The following OR51B5 variants were observed in gnomAD, a reference collection of about 807,000 sequenced individuals.
OR51B5 encodes the protein olfactory receptor family 51 subfamily B member 5.
For missense variants in OR51B5, 456 were observed against 374.6 expected (o/e 1.22, Z -1.79); for synonymous variants, 186 against 144.8 (o/e 1.28, Z -2.04).
intron 1 of OR51B5, chr11:5,453,468 G>T (rs750561734): frequency 1.3e-6 from 2 of 1,493,068 alleles, no homozygotes; most frequent in Non-Finnish European, 8.9e-7. Flanking sequence ...ACTCTGAAAA[G>T]TACCCTAAGT....
intron 1 of OR51B5, among the ~76,000 whole-genome samples, chr11:5,397,006 G>A (rs1201726764): frequency 6.6e-6 from 1 of 152,186 alleles, no homozygotes; most frequent in Non-Finnish European, 1.5e-5. Context: ...GCCAAATGTA[G>A]GAAGCTGAAA....
At chr11:5,421,420 A>T (rs1278177410) in intron 1 of OR51B5, among the ~76,000 whole-genome samples, 2 of 152,276 alleles carry the variant, frequency 1.3e-5, no homozygotes, top group Admixed American at 1.3e-4. Flanking sequence ...TTGTTAGAAC[A>T]TAAGAATTAA....
chr11:5,422,568 ACTG>A, intron 1 of OR51B5: 1 of 1,613,960 alleles, frequency 6.2e-7, no homozygotes, highest in Non-Finnish European at 8.5e-7. Context: ...ATGTCCGTTG[ACTG>A]CTATGTGGCC....
At chr11:5,425,857 G>A (rs748023861) in intron 1 of OR51B5, among the ~76,000 whole-genome samples, 1 of 152,104 alleles carries the variant, frequency 6.6e-6, no homozygotes, top group Non-Finnish European at 1.5e-5. Flanking sequence ...AGCTAGCCTA[G>A]CCTGCTACTA....
intron 1 of OR51B5, among the ~76,000 whole-genome samples, chr11:5,388,631 G>C (rs1471440131): frequency 4.0e-5 from 6 of 150,288 alleles, no homozygotes; most frequent in African/African-American, 1.5e-4. Flanking sequence ...TAAGAAAATA[G>C]GATATACACG....
chr11:5,488,973 G>A (rs1296205668), intron 1 of OR51B5: 32 of 1,613,906 alleles, frequency 2.0e-5, no homozygotes, highest in Non-Finnish European at 2.6e-5. Flanking sequence ...CCATTTTGTG[G>A]CTCCATGCTG....
At chr11:5,361,002 CG>C (rs1254981773) in intron 1 of OR51B5, among the ~76,000 whole-genome samples, 3 of 140,194 alleles carry the variant, frequency 2.1e-5, no homozygotes, top group African/African-American at 8.0e-5. Context: ...GGGTGGGGGT[CG>C]GGGGGAGGGA....
intron 1 of OR51B5, among the ~76,000 whole-genome samples, chr11:5,470,941 C>T (rs1851219514): frequency 1.3e-5 from 2 of 152,168 alleles, no homozygotes; most frequent in South Asian, 4.1e-4. Flanking sequence ...TGATGTTACT[C>T]TTTTACTAGA....
At chr11:5,442,177 A>C (rs868113791) in intron 1 of OR51B5, among the ~76,000 whole-genome samples, 2 of 152,102 alleles carry the variant, frequency 1.3e-5, no homozygotes, top group African/African-American at 4.8e-5. Flanking sequence ...TCTCCTCTTT[A>C]TCTCTCTTTC....
In OR51B5 at chr11:5,468,410, G is replaced by A. The variant is rs150858004; in HGVS notation, n.84+37159C>T. On this transcript the variant is annotated intron_variant and non_coding_transcript_variant, in intron 1 of 4. Coordinates refer to the OR51B5 transcript ENST00000415970. ...GTCTGGAGGGAGATTGAAAGGCTCC[G>A]AAGGACTAACCTGGTACACCCAAAC... is the stretch of plus-strand genomic sequence containing the variant. 3.6e-3 allele frequency: 1,069 copies of A among 294,154 alleles called. 10 individuals carry two copies. Among genetic ancestry groups the A allele is most frequent in the African/African-American group, 0.022 (993 of 44,848 alleles). 18.2% of individuals were successfully genotyped at this position (294,154 alleles called of 1,614,324 possible). A position where few individuals can be genotyped will look rare whatever the true frequency, so the allele number is the denominator to read the frequency against.
At chr11:5,348,096 G>C (rs1436884407), upstream of OR51B5, among the ~76,000 whole-genome samples, 1 of 151,856 alleles carries the variant, frequency 6.6e-6, no homozygotes, top group Non-Finnish European at 1.5e-5. Flanking sequence ...CAAGAGAAAA[G>C]TAATAGTGTT....
intron 1 of OR51B5, among the ~76,000 whole-genome samples, chr11:5,467,564 T>C (rs1428889768): frequency 6.6e-6 from 1 of 152,240 alleles, no homozygotes; most frequent in Non-Finnish European, 1.5e-5. Context: ...TATCATTCTT[T>C]TTAAATCTGT....
rs1034240120 is a variant in OR51B5 at position 5,370,454 on chromosome 11, T to C, written n.85-23544A>G. Among the ~76,000 whole-genome samples the C allele has an allele frequency of 3.9e-5, 6 of 152,322 alleles. No individual in the cohort carries two copies. In the South Asian group the frequency reaches 8.3e-4, roughly 21 times the overall value. On this transcript the variant is annotated intron_variant and non_coding_transcript_variant, in intron 1 of 4. Transcript: ENST00000415970. ...ATCTTCAGAGGATCATTTGTTGGTA[T>C]GTCTCTGTCCAATTTGAGGGCAATA...
intron 1 of OR51B5, among the ~76,000 whole-genome samples, chr11:5,358,010 A>G (rs1564919722): frequency 6.6e-6 from 1 of 152,112 alleles, no homozygotes; most frequent in Non-Finnish European, 1.5e-5. Flanking sequence ...AGGGAAATTT[A>G]TAGCACTAAA....
At chr11:5,388,416 A>C (rs892370285) in intron 1 of OR51B5, among the ~76,000 whole-genome samples, 1 of 151,662 alleles carries the variant, frequency 6.6e-6, no homozygotes, top group Non-Finnish European at 1.5e-5. Context: ...GGCCTTCTGA[A>C]GGACATCATA....
At position 5,423,269 on chromosome 11, in the gene OR51B5, C is replaced by A. The variant is rs920935510; in HGVS notation, n.85-76359G>T. On this transcript the variant is annotated intron_variant and non_coding_transcript_variant, in intron 1 of 4. Coordinates refer to the OR51B5 transcript ENST00000415970. ...TCATCATAATATTAAGGCAGTATGA[C>A]AAGTCCCTGGCTTTTAGCATGGAAT... 6.0e-6 allele frequency: 8 copies of A among 1,343,384 alleles called. No homozygotes were observed. In the African/African-American group the frequency reaches 1.0e-4, roughly 17 times the overall value. 83.2% of individuals were successfully genotyped at this position (1,343,384 alleles called of 1,614,324 possible).
At chr11:5,474,286 A>T (rs1331845969) in intron 1 of OR51B5, among the ~76,000 whole-genome samples, 1 of 152,140 alleles carries the variant, frequency 6.6e-6, no homozygotes, top group South Asian at 2.1e-4. Flanking sequence ...TTTCATTTCA[A>T]TCCAGGATTA....
intron 1 of OR51B5, among the ~76,000 whole-genome samples, chr11:5,414,691 C>T (rs1398026487): frequency 6.6e-6 from 1 of 152,144 alleles, no homozygotes; most frequent in African/African-American, 2.4e-5. Context: ...AAGGCCAATA[C>T]ATAATGGTAA....
At chr11:5,497,792 C>T (rs1851670776) in intron 1 of OR51B5, among the ~76,000 whole-genome samples, 1 of 152,164 alleles carries the variant, frequency 6.6e-6, no homozygotes, top group African/African-American at 2.4e-5. Flanking sequence ...CTTTTGCCAG[C>T]TACCCATGGA....
Sources: allele counts gnomAD v4.1 joint callset (sites outside exome capture counted in the v4.1 genomes callset), GRCh38; gene constraint gnomAD v4.1.1; transcripts MANE v1.5; gene names NCBI Gene and HGNC (gene_info 2026-07-23, HGNC 2026-07-21).